TAF5: variants seen among roughly 807,000 people sequenced by gnomAD.
TAF5 encodes the protein transcription initiation factor TFIID subunit 5.
Under a neutral mutation model 80.9 loss-of-function variants are expected in TAF5, and 20 were observed. The observed-to-expected ratio is 0.25, with a 90% CI of 0.17 to 0.36. The LOEUF is 0.36. Among genes scored for constraint, TAF5 ranks in the 10% least tolerant of loss-of-function variants. TAF5 has a pLI of 1.00. For synonymous variants in TAF5, 388 were observed against 406.4 expected (o/e 0.95, Z 0.55); for missense variants, 863 against 1,029.4 (o/e 0.84, Z 2.21).
chr10:103,381,660 T>G (rs2133633415), intron 5 of TAF5, 61 bp from the exon 6 acceptor site: 1 of 1,566,150 alleles, frequency 6.4e-7, no homozygotes, highest in East Asian at 2.2e-5. Context: ...TGATTAACAT[T>G]TGCTTCCTAT....
chr10:103,368,241 T>TGCTCCGGACGCCGGC lies in TAF5; in HGVS notation c.259_273dup (p.Asp87_Pro91dup). 6.7e-7 allele frequency: 1 copy of TGCTCCGGACGCCGGC among 1,487,098 alleles called. No individual in the cohort carries two copies. The highest frequency in any genetic ancestry group is 8.9e-7 in the Non-Finnish European group (1 of 1,122,262). The allele number at this position is 1,487,098 out of a possible 1,614,324, so 92.1% of individuals were successfully genotyped here. ...CGGGGGCGGCCCCGGTGCCCGCCGC[T>TGCTCCGGACGCCGGC]GCTCCGGACGCCGGCGCTCCGCATG... is the stretch of plus-strand genomic sequence containing the variant. On this transcript the variant is annotated inframe_insertion, in exon 1 of 11. Transcript: ENST00000369839.
At position 103,382,149 on chromosome 10, in the gene TAF5, G is replaced by T. The variant is rs527564934; in HGVS notation, c.1534+308G>T. Among the ~76,000 whole-genome samples the T allele has an allele frequency of 1.3e-4, 20 of 152,234 alleles. No individual in the cohort carries two copies. In the South Asian group the frequency reaches 4.1e-3, roughly 32 times the overall value. On this transcript the variant is annotated intron_variant, in intron 6 of 10. Coordinates refer to ENST00000369839, the MANE Select transcript of TAF5 (RefSeq NM_006951.5). The stretch of plus-strand genomic sequence containing the variant: ...TTAAAAAATCTTTAAATAAGGGATG[G>T]TACTTCCTGTTTTAGTCATAAAAAT...
At chr10:103,370,552 C>T (rs1226533432) in intron 1 of TAF5, among the ~76,000 whole-genome samples, 11 of 151,960 alleles carry the variant, frequency 7.2e-5, no homozygotes, top group African/African-American at 2.4e-4. Flanking sequence ...TGGTCTCGAT[C>T]TCCTGACCTT....
Position 103,388,179 on chromosome 10 carries a change from C to G in TAF5, c.2359C>G (p.Arg787Gly). 1 of 1,613,914 alleles carries G rather than the reference C, an allele frequency of 6.2e-7. No homozygotes were observed. Among genetic ancestry groups the G allele is most frequent in the Non-Finnish European group, 8.5e-7 (1 of 1,179,968 alleles). ...STPVVHLHFT[R>G]RNLVLAAGAY... ...ACCAGTTGTACACCTTCATTTTACT[C>G]GAAGAAACCTGGTTCTAGCTGCAGG... Residue 787 changes from arginine to glycine, a missense_variant, in exon 11 of 11, where the codon CGA (arginine) becomes GGA (glycine). By Grantham distance (125) the Arg-to-Gly change is moderately radical (BLOSUM62 -2). Around this residue, in one of 3 missense-constraint regions of TAF5, gnomAD observed 368 missense variants for 461.7 expected, o/e 0.80. Transcript: ENST00000369839.
In TAF5 at chr10:103,368,309, G is replaced by C. The variant is rs1305435008; in HGVS notation, c.320G>C (p.Ser107Thr). Reference sequence around the variant, plus strand: ...GCCGTGCTGCAGTTCCTACGGCAGAGCAAACTCCGCGAGGCCGAAGAGGCG... The same window carrying C: ...GCCGTGCTGCAGTTCCTACGGCAGACCAAACTCCGCGAGGCCGAAGAGGCG... ...LLAVLQFLRQ[S>T]KLREAEEALR... The change falls in exon 1 of 11, where the codon AGC becomes ACC. Residue 107 changes from serine (S) to threonine (T), a missense_variant. Ser to Thr is a moderately conservative substitution (Grantham distance 58). Coordinates refer to ENST00000369839, the MANE Select transcript of TAF5 (RefSeq NM_006951.5). The C allele has an allele frequency of 1.3e-6, 2 of 1,584,206 alleles. No homozygotes were observed. Among genetic ancestry groups the C allele is most frequent in the African/African-American group, 1.3e-5 (1 of 74,318 alleles).
chr10:103,370,082 A>C (rs967665386), intron 1 of TAF5, among the ~76,000 whole-genome samples: 1 of 151,548 alleles, frequency 6.6e-6, no homozygotes, highest in African/African-American at 2.4e-5. Flanking sequence ...AAATACAAAA[A>C]TTAGCCGGGC....
chr10:103,368,678 C>G, intron 1 of TAF5, 130 bp downstream of exon 1: 2 of 1,237,706 alleles, frequency 1.6e-6, no homozygotes, highest in Non-Finnish European at 2.1e-6. Flanking sequence ...GGCCACATGC[C>G]CGCCCCTTTC....
chr10:103,381,642 T>C, intron 5 of TAF5, 79 bp from the exon 6 acceptor site: 1 of 1,421,236 alleles, frequency 7.0e-7, no homozygotes, highest in Non-Finnish European at 9.9e-7. Context: ...TTTAGTATAG[T>C]GTGAAAATGA....
intron 2 of TAF5, among the ~76,000 whole-genome samples, chr10:103,375,027 G>A (rs1564744089): frequency 6.7e-6 from 1 of 150,134 alleles, no homozygotes; most frequent in African/African-American, 2.4e-5. Context: ...GCTGAGGCTG[G>A]AGAATCGCTT....
rs1447579611 is a variant in TAF5 at position 103,368,108 on chromosome 10, C to T, written c.119C>T (p.Thr40Ile). 58 of 1,412,466 alleles carry T rather than the reference C, an allele frequency of 4.1e-5. 2 individuals carry two copies. In the East Asian group the frequency reaches 1.7e-3, roughly 41 times the overall value. The allele number at this position is 1,412,466 out of a possible 1,614,324, so 87.5% of individuals were successfully genotyped here. A position where few individuals can be genotyped will look rare whatever the true frequency, so the allele number is the denominator to read the frequency against. ...DGAGEGSGGTTNNGPNGGGGN... is the reference protein window; with the variant it reads ...DGAGEGSGGTINNGPNGGGGN... ...GCAGGCGAGGGTAGCGGCGGCACTACCAACAACGGCCCCAACGGCGGCGGC... is the reference window on the plus strand; with the variant it reads ...GCAGGCGAGGGTAGCGGCGGCACTATCAACAACGGCCCCAACGGCGGCGGC... Residue 40 changes from threonine to isoleucine, a missense_variant, in exon 1 of 11, where the codon ACC (threonine) becomes ATC (isoleucine). By Grantham distance (89) the Thr-to-Ile change is moderately conservative. Transcript: ENST00000369839.
chr10:103,368,438 G>A lies in TAF5; in HGVS notation c.449G>A (p.Arg150Gln), dbSNP rs1293272693. ...GAGGTGACCAGCGCGCTTCTCAGCC[G>A]GGTGACCGCCTCGGCCCCTGGCCCT... ...GAEVTSALLS[R>Q]VTASAPGPAA... Residue 150 changes from arginine to glutamine, a missense_variant, in exon 1 of 11, where the codon CGG (arginine) becomes CAG (glutamine). This residue lies in a region of TAF5 where 367 missense variants were observed against 335.5 expected (regional missense o/e 1.09). Coordinates refer to ENST00000369839, the MANE Select transcript of TAF5 (RefSeq NM_006951.5). 6 of 1,577,988 alleles carry A rather than the reference G, an allele frequency of 3.8e-6. No homozygotes were observed. The highest frequency in any genetic ancestry group is 1.4e-5 in the African/African-American group (1 of 73,972).
intron 3 of TAF5, 80 bp from the exon 4 acceptor site, chr10:103,379,528 G>T: frequency 8.3e-7 from 1 of 1,203,874 alleles, no homozygotes. Flanking sequence ...TTTTGTAATT[G>T]TGATTTATCC....
chr10:103,368,093 G>T lies in TAF5; in HGVS notation c.104G>T (p.Gly35Val). The change falls in exon 1 of 11, where the codon GGT becomes GTT. Residue 35 changes from glycine (G) to valine (V), a missense_variant. Physicochemically the swap from Gly to Val is moderately radical, Grantham distance 109. Coordinates refer to ENST00000369839, the MANE Select transcript of TAF5 (RefSeq NM_006951.5). Reference protein sequence around the residue: ...PPQAGDGAGEGSGGTTNNGPN... With the variant: ...PPQAGDGAGEVSGGTTNNGPN... ...CAGGCGGGGGACGGCGCAGGCGAGG[G>T]TAGCGGCGGCACTACCAACAACGGC... The T allele has an allele frequency of 1.4e-6, 2 of 1,424,378 alleles. No individual in the cohort carries two copies. Among genetic ancestry groups the T allele is most frequent in the East Asian group, 6.0e-5 (2 of 33,216 alleles). 88.2% of individuals were successfully genotyped at this position (1,424,378 alleles called of 1,614,324 possible).
At chr10:103,387,477 T>C (rs749988948) in intron 9 of TAF5, 44 bp from the exon 10 acceptor site, 1 of 1,562,100 alleles carries the variant, frequency 6.4e-7, no homozygotes, top group Admixed American at 2.0e-5. Context: ...TTTTGTCTTA[T>C]TTTCCTAGAC....
Position 103,388,722 on chromosome 10 carries a change from G to C in TAF5, c.*499G>C, listed in dbSNP as rs1258287954. 1 of 154,102 alleles carries C rather than the reference G, an allele frequency of 6.5e-6. No individual in the cohort carries two copies. Among genetic ancestry groups the C allele is most frequent in the East Asian group, 1.9e-4 (1 of 5,254 alleles). The allele number at this position is 154,102 out of a possible 1,614,324, so 9.5% of individuals were successfully genotyped here. A position where few individuals can be genotyped will look rare whatever the true frequency, so the allele number is the denominator to read the frequency against. ...TTGGCCCATGATTAATGGAATGTAT[G>C]TAACTAGGTAGGGTTCCTTTCTTAG... is the stretch of plus-strand genomic sequence containing the variant. On this transcript the variant is annotated 3_prime_UTR_variant, in exon 11 of 11. Transcript: ENST00000369839.
intron 1 of TAF5, among the ~76,000 whole-genome samples, chr10:103,370,052 C>T (rs1323025479): frequency 6.6e-6 from 1 of 151,196 alleles, no homozygotes; most frequent in Non-Finnish European, 1.5e-5. Flanking sequence ...GCCGACATGG[C>T]GAAACCCCCT....
intron 5 of TAF5, among the ~76,000 whole-genome samples, chr10:103,380,317 A>G (rs2093379693): frequency 6.6e-6 from 1 of 152,004 alleles, no homozygotes. Context: ...TTTAGTAGAG[A>G]TGGGGTTTCA....
rs373538458 is a variant in TAF5, at chr10:103,379,922, A to G, written c.1316A>G (p.Asp439Gly). 6.2e-7 allele frequency: 1 copy of G among 1,613,770 alleles called. No homozygotes were observed. The highest frequency in any genetic ancestry group is 8.5e-7 in the Non-Finnish European group (1 of 1,179,994). Residue 439 changes from aspartate to glycine, a missense_variant, in exon 5 of 11, where the codon GAT becomes GGT. This residue lies in a region of TAF5 where 368 missense variants were observed against 461.7 expected (regional missense o/e 0.80). Transcript: ENST00000369839. ...GAGTTGAAAGATTCAGATAAGTTGGATAAGATAATGAATATGAAAGAAACC... is the reference window on the plus strand; with the variant it reads ...GAGTTGAAAGATTCAGATAAGTTGGGTAAGATAATGAATATGAAAGAAACC... ...LPELKDSDKL[D>G]KIMNMKETTK...
intron 8 of TAF5, 74 bp from the exon 9 acceptor site, chr10:103,387,101 A>G: frequency 1.4e-5 from 20 of 1,435,672 alleles, no homozygotes; most frequent in Non-Finnish European, 1.7e-5. Context: ...TTCTGTATTT[A>G]TTTTGTATAG....
Sources: gnomAD v4.1 joint callset for allele counts (sites outside exome capture counted in the v4.1 genomes callset) on GRCh38, gnomAD v4.1.1 for gene constraint, gnomAD v4.1.1 regional missense constraint, MANE v1.5 for transcripts, NCBI Gene and HGNC (gene_info 2026-07-23, HGNC 2026-07-21) for gene names.